Variants in SCHIP1 observed in about 807,000 individuals in gnomAD.
The protein encoded by SCHIP1 is schwannomin-interacting protein 1.
In SCHIP1, 8 loss-of-function variants were observed where a neutral mutation model predicts 29.7. The ratio of observed to expected loss-of-function variants is 0.27; its 90% CI spans 0.16 to 0.49. The LOEUF is 0.49. Among genes scored for constraint, SCHIP1 ranks in the 20% least tolerant of loss-of-function variants. The pLI, the probability that SCHIP1 is intolerant of heterozygous loss-of-function variation, is 0.99. For synonymous variants in SCHIP1, 76 were observed against 94.9 expected (o/e 0.80, Z 1.16); for missense variants, 193 against 294.6 (o/e 0.66, Z 2.52).
the SCHIP1 span, among the ~76,000 whole-genome samples, chr3:159,537,147 C>T: frequency 6.6e-6 from 1 of 152,132 alleles, no homozygotes; most frequent in Non-Finnish European, 1.5e-5. Context: ...AAACCCTCAT[C>T]ACAGAAGGGC....
chr3:159,888,637 C>A, intron 4 of SCHIP1, 183 bp from the exon 6 acceptor site: 1 of 684,924 alleles, frequency 1.5e-6, no homozygotes, highest in Middle Eastern at 3.0e-4. Context: ...ATGCCAGTTG[C>A]ATATTAGGTA....
At chr3:159,631,023 A>C in the SCHIP1 span, among the ~76,000 whole-genome samples, 1 of 152,230 alleles carries the variant, frequency 6.6e-6, no homozygotes, top group Non-Finnish European at 1.5e-5. Context: ...AAGAATTTGA[A>C]AAGATATCTA....
the SCHIP1 span, among the ~76,000 whole-genome samples, chr3:159,305,095 C>T: frequency 6.6e-6 from 1 of 152,172 alleles, no homozygotes; most frequent in Non-Finnish European, 1.5e-5. Context: ...TTCCAGCAGC[C>T]CCCTGTCCTG....
chr3:159,706,861 C>T, the SCHIP1 span, among the ~76,000 whole-genome samples: 1 of 152,136 alleles, frequency 6.6e-6, no homozygotes. Context: ...TGACTCAAGG[C>T]ATCTTTAATT....
At chr3:159,348,712 T>C in the SCHIP1 span, among the ~76,000 whole-genome samples, 2 of 152,148 alleles carry the variant, frequency 1.3e-5, no homozygotes, top group Non-Finnish European at 2.9e-5. Context: ...CATAAATATT[T>C]CAGCAATAAA....
chr3:159,758,393 CG>C, the SCHIP1 span, among the ~76,000 whole-genome samples: 2 of 152,108 alleles, frequency 1.3e-5, no homozygotes, highest in Admixed American at 1.3e-4. Context: ...CCTTGTGATC[CG>C]CCCGCCTCAG....
At chr3:159,315,161 C>T in the SCHIP1 span, among the ~76,000 whole-genome samples, 1 of 150,056 alleles carries the variant, frequency 6.7e-6, no homozygotes, top group East Asian at 2.0e-4. Flanking sequence ...ATGTCCTTGT[C>T]AACACTTGGT....
At chr3:159,322,507 T>A in the SCHIP1 span, among the ~76,000 whole-genome samples, 1 of 152,124 alleles carries the variant, frequency 6.6e-6, no homozygotes, top group African/African-American at 2.4e-5. Context: ...GAGTGCTGAA[T>A]GCCACTCACC....
intron 1 of SCHIP1, among the ~76,000 whole-genome samples, chr3:159,853,757 T>A (rs933903308): frequency 3.3e-5 from 5 of 152,248 alleles, no homozygotes; most frequent in South Asian, 2.1e-4. Flanking sequence ...AGGAATTTTT[T>A]AAAAATTATT....
At chr3:159,499,716 G>A in the SCHIP1 span, among the ~76,000 whole-genome samples, 2 of 152,180 alleles carry the variant, frequency 1.3e-5, no homozygotes, top group Non-Finnish European at 2.9e-5. Flanking sequence ...AATAATCATA[G>A]CTACCAATTT....
At chr3:159,620,629 G>A in the SCHIP1 span, among the ~76,000 whole-genome samples, 2 of 152,332 alleles carry the variant, frequency 1.3e-5, no homozygotes, top group African/African-American at 4.8e-5. Flanking sequence ...GCAGAACATT[G>A]TAAGAAGGCA....
At chr3:159,342,659 T>A in the SCHIP1 span, among the ~76,000 whole-genome samples, 1 of 152,224 alleles carries the variant, frequency 6.6e-6, no homozygotes, top group Non-Finnish European at 1.5e-5. Flanking sequence ...GAAAGATTGT[T>A]GACTTTGCCA....
At chr3:159,510,433 G>C in the SCHIP1 span, among the ~76,000 whole-genome samples, 1 of 152,192 alleles carries the variant, frequency 6.6e-6, no homozygotes, top group Non-Finnish European at 1.5e-5. Context: ...TTAGCTCGGG[G>C]AAGTTTGATA....
chr3:159,325,020 T>A, the SCHIP1 span, among the ~76,000 whole-genome samples: 1 of 152,168 alleles, frequency 6.6e-6, no homozygotes, highest in African/African-American at 2.4e-5. Context: ...GTATTAGTGT[T>A]TATAACTGAG....
At chr3:159,368,198 T>C in the SCHIP1 span, among the ~76,000 whole-genome samples, 1 of 152,206 alleles carries the variant, frequency 6.6e-6, no homozygotes, top group Admixed American at 6.5e-5. Flanking sequence ...CTGTATCCTC[T>C]ACAACTTCTC....
At chr3:159,590,583 ATAAAT>A in the SCHIP1 span, among the ~76,000 whole-genome samples, 10 of 145,632 alleles carry the variant, frequency 6.9e-5, no homozygotes, top group African/African-American at 2.2e-4. Context: ...CTTGAAAAAA[ATAAAT>A]AAAAATAAAG....
the SCHIP1 span, among the ~76,000 whole-genome samples, chr3:159,601,410 A>G: frequency 4.6e-5 from 7 of 152,326 alleles, no homozygotes; most frequent in African/African-American, 1.7e-4. Context: ...TTTAGCATGA[A>G]GTCTCAGCAC....
the SCHIP1 span, among the ~76,000 whole-genome samples, chr3:159,438,894 T>C: frequency 6.6e-6 from 1 of 152,246 alleles, no homozygotes; most frequent in African/African-American, 2.4e-5. Flanking sequence ...CTATCACTGA[T>C]GGGCATTTAT....
chr3:159,628,863 G>A, the SCHIP1 span, among the ~76,000 whole-genome samples: 1 of 151,918 alleles, frequency 6.6e-6, no homozygotes, highest in Middle Eastern at 3.2e-3. Context: ...GATTTTTTAT[G>A]TGTAAAAATT....
Sources: gnomAD v4.1 joint callset for allele counts (sites outside exome capture counted in the v4.1 genomes callset) on GRCh38, gnomAD v4.1.1 for gene constraint, MANE v1.5 for transcripts, NCBI Gene and HGNC (gene_info 2026-07-23, HGNC 2026-07-21) for gene names.